The following GFRA1 variants were observed in gnomAD, a reference collection of about 807,000 sequenced individuals.
GFRA1 encodes the protein GDNF family receptor alpha 1, also known as GDNF family receptor alpha-1.
A neutral mutation model predicts 51.6 loss-of-function variants in GFRA1; 16 were observed. That is an observed-to-expected ratio of 0.31 (90% confidence interval 0.21 to 0.47). The LOEUF (loss-of-function observed/expected upper bound fraction) is 0.47. Ranked by LOEUF, GFRA1 falls within the 20% of genes least tolerant of loss-of-function variation. GFRA1 has a pLI of 1.00. For missense variants in GFRA1, 530 were observed against 594.3 expected (o/e 0.89, Z 1.13); for synonymous variants, 270 against 241.3 (o/e 1.12, Z -1.10).
intron 6 of GFRA1, among the ~76,000 whole-genome samples, chr10:116,098,158 A>G (rs1418436747): frequency 6.6e-6 from 1 of 152,066 alleles, no homozygotes; most frequent in Non-Finnish European, 1.5e-5. Context: ...GATGCTGGAG[A>G]TCTGCTTTAT....
chr10:116,163,703 C>T (rs1589836208), intron 5 of GFRA1, among the ~76,000 whole-genome samples: 1 of 152,140 alleles, frequency 6.6e-6, no homozygotes, highest in Non-Finnish European at 1.5e-5. Context: ...CTTCAGCTTC[C>T]CTTTTCAGAA....
chr10:116,249,061 A>G (rs748979625), intron 4 of GFRA1, among the ~76,000 whole-genome samples: 6 of 152,130 alleles, frequency 3.9e-5, no homozygotes, highest in Non-Finnish European at 8.8e-5. Flanking sequence ...TTTGCCCCAC[A>G]CAACCTTGGC....
chr10:116,097,334 C>T (rs1188174520), intron 6 of GFRA1, among the ~76,000 whole-genome samples: 1 of 152,186 alleles, frequency 6.6e-6, no homozygotes, highest in Non-Finnish European at 1.5e-5. Flanking sequence ...AGGAGCCTGC[C>T]TTTGGGGAAC....
chr10:116,121,423 G>A (rs879889199), intron 6 of GFRA1, among the ~76,000 whole-genome samples: 8 of 152,120 alleles, frequency 5.3e-5, no homozygotes, highest in Non-Finnish European at 1.0e-4. Context: ...TACCTCAAGG[G>A]GAAAGGAATC....
At chr10:116,192,871 C>CGGG (rs1189839824) in intron 5 of GFRA1, among the ~76,000 whole-genome samples, 1 of 152,144 alleles carries the variant, frequency 6.6e-6, no homozygotes, top group Admixed American at 6.5e-5. Flanking sequence ...GAGGCAGTCC[C>CGGG]GGGGGAGTGT....
intron 5 of GFRA1, among the ~76,000 whole-genome samples, chr10:116,166,706 G>A (rs11197563): frequency 0.41 from 61,519 of 148,334 alleles, 12,583 homozygotes; most frequent in South Asian, 0.48. Flanking sequence ...TTCCCTGCCA[G>A]TTCCTCCCAC....
chr10:116,247,913 G>T (rs774212760), intron 4 of GFRA1, among the ~76,000 whole-genome samples: 5 of 152,246 alleles, frequency 3.3e-5, no homozygotes, highest in Non-Finnish European at 7.4e-5. Flanking sequence ...GAAAATACTT[G>T]TAGAATGAAT....
intron 5 of GFRA1, among the ~76,000 whole-genome samples, chr10:116,200,821 T>C (rs1316588357): frequency 2.0e-5 from 3 of 152,218 alleles, no homozygotes; most frequent in African/African-American, 7.2e-5. Context: ...GGTTAGGATT[T>C]TAACATATGA....
chr10:116,223,608 T>G (rs1386910498), intron 4 of GFRA1, among the ~76,000 whole-genome samples: 1 of 152,178 alleles, frequency 6.6e-6, no homozygotes, highest in African/African-American at 2.4e-5. Context: ...ACCAGAGAGC[T>G]GAGAACACCT....
chr10:116,224,447 C>T (rs1966139949), intron 4 of GFRA1, among the ~76,000 whole-genome samples: 1 of 152,156 alleles, frequency 6.6e-6, no homozygotes, highest in African/African-American at 2.4e-5. Context: ...ATACGAATGT[C>T]CATCAACTGA....
chr10:116,232,119 A>C (rs1199022005), intron 4 of GFRA1, among the ~76,000 whole-genome samples: 3 of 152,326 alleles, frequency 2.0e-5, no homozygotes, highest in African/African-American at 7.2e-5. Context: ...AGTTTCAGGT[A>C]AGAGTGCCGC....
intron 5 of GFRA1, among the ~76,000 whole-genome samples, chr10:116,193,906 G>T (rs1246660147): frequency 6.6e-6 from 1 of 152,034 alleles, no homozygotes; most frequent in African/African-American, 2.4e-5. Flanking sequence ...GGGCGTGGTG[G>T]AGGGTGCCTG....
intron 9 of GFRA1, among the ~76,000 whole-genome samples, chr10:116,082,450 T>G (rs2133839863): frequency 1.3e-5 from 2 of 150,528 alleles, no homozygotes; most frequent in Admixed American, 1.3e-4. Context: ...ATCATTCAGC[T>G]CAAACCGCCC....
chr10:116,071,791 C>G (rs951185978), intron 9 of GFRA1, among the ~76,000 whole-genome samples: 2 of 152,140 alleles, frequency 1.3e-5, no homozygotes, highest in Admixed American at 1.3e-4. Context: ...CTATACGAAA[C>G]TTTACCAACT....
At chr10:116,237,169 T>C (rs1488321298) in intron 4 of GFRA1, among the ~76,000 whole-genome samples, 1 of 152,242 alleles carries the variant, frequency 6.6e-6, no homozygotes, top group Non-Finnish European at 1.5e-5. Flanking sequence ...GCGTCTTTTT[T>C]ATTTACAAAA....
At chr10:116,143,106 G>T (rs1366588719) in intron 5 of GFRA1, among the ~76,000 whole-genome samples, 1 of 152,166 alleles carries the variant, frequency 6.6e-6, no homozygotes, top group African/African-American at 2.4e-5. Context: ...AAATGATTGT[G>T]CCATACAGGA....
chr10:116,234,960 T>C (rs189698866), intron 4 of GFRA1, among the ~76,000 whole-genome samples: 3 of 152,230 alleles, frequency 2.0e-5, no homozygotes, highest in African/African-American at 7.2e-5. Flanking sequence ...TCAGCACTTG[T>C]CCTTGCTGTT....
intron 5 of GFRA1, among the ~76,000 whole-genome samples, chr10:116,197,346 C>T (rs772548804): frequency 6.6e-6 from 1 of 152,254 alleles, no homozygotes; most frequent in South Asian, 2.1e-4. Context: ...AAGCCCTTAC[C>T]AAACACGGAA....
chr10:116,160,202 C>T (rs1488087975), intron 5 of GFRA1, among the ~76,000 whole-genome samples: 1 of 152,186 alleles, frequency 6.6e-6, no homozygotes, highest in African/African-American at 2.4e-5. Flanking sequence ...AGGAAACATT[C>T]TGGAATTTAT....
Sources: gnomAD v4.1 joint callset for allele counts (sites outside exome capture counted in the v4.1 genomes callset) on GRCh38, gnomAD v4.1.1 for gene constraint, MANE v1.5 for transcripts, NCBI Gene and HGNC (gene_info 2026-07-23, HGNC 2026-07-21) for gene names.